KCTD16: variants seen among roughly 807,000 people sequenced by gnomAD.
The protein encoded by KCTD16 is BTB/POZ domain-containing protein KCTD16.
KCTD16 carries 13 observed loss-of-function variants against 33.2 expected under a neutral mutation model. The observed-to-expected ratio is 0.39, with a 90% CI of 0.25 to 0.62. The LOEUF is 0.62. Ranked by LOEUF, KCTD16 falls within the 20% of genes least tolerant of loss-of-function variation. The pLI is 0.50. For missense variants in KCTD16, 441 were observed against 525.1 expected, an observed-to-expected ratio of 0.84 and a Z score of 1.57; for synonymous variants, 197 against 195.3, an observed-to-expected ratio of 1.01 and a Z score of -0.07.
intron 3 of KCTD16, among the ~76,000 whole-genome samples, chr5:144,466,658 C>T (rs916811685): frequency 4.6e-5 from 7 of 151,726 alleles, no homozygotes; most frequent in Non-Finnish European, 8.8e-5. Context: ...AAACCAGATG[C>T]TTTGTATTTA....
rs923156960 is a variant in KCTD16, at chr5:144,186,324, C to T, written c.-327+11852C>T. 6.7e-5 allele frequency among the ~76,000 whole-genome samples: 9 copies of T among 134,306 alleles called. 1 individual carries two copies. The East Asian group carries it at 8.8e-4, about 13-fold the overall frequency. The allele number at this position is 134,306 out of a possible 152,430, so 88.1% of individuals were successfully genotyped here. A position where few individuals can be genotyped will look rare whatever the true frequency, so the allele number is the denominator to read the frequency against. On this transcript the variant is annotated intron_variant, in intron 2 of 3. Coordinates refer to ENST00000512467, the MANE Select transcript of KCTD16 (RefSeq NM_020768.4). ...ATATGTAAATATGAAGTATATTCTA[C>T]GAAGTTTGTGCTAGATCTCATTTTT...
intron 1 of KCTD16, among the ~76,000 whole-genome samples, chr5:144,172,444 T>C (rs1323083078): frequency 6.6e-6 from 1 of 152,266 alleles, no homozygotes; most frequent in Non-Finnish European, 1.5e-5. Flanking sequence ...CCTAGTTATT[T>C]TGAACTATAC....
At chr5:144,443,876 C>A (rs184514172) in intron 3 of KCTD16, among the ~76,000 whole-genome samples, 27 of 152,144 alleles carry the variant, frequency 1.8e-4, no homozygotes, top group African/African-American at 5.3e-4. Flanking sequence ...TTGATACAGG[C>A]ATGCAATAAG....
At chr5:144,400,603 C>T (rs778303246) in intron 3 of KCTD16, among the ~76,000 whole-genome samples, 5 of 152,092 alleles carry the variant, frequency 3.3e-5, no homozygotes, top group Non-Finnish European at 4.4e-5. Context: ...CCTTCAACAC[C>T]ATCTATGTGC....
chr5:144,451,583 G>T lies in KCTD16; in HGVS notation c.833-22077G>T, dbSNP rs73299632. On this transcript the variant is annotated intron_variant, in intron 3 of 3. Transcript: ENST00000512467. Reference sequence around the variant, plus strand: ...TAAAATCAAAGTTTAATCACGAATTGTGAAATAGAACGCAGGCAGTTAGGA... The same window carrying T: ...TAAAATCAAAGTTTAATCACGAATTTTGAAATAGAACGCAGGCAGTTAGGA... Among the ~76,000 whole-genome samples the T allele has an allele frequency of 2.5e-3, 380 of 152,206 alleles. 1 individual carries two copies. Among genetic ancestry groups the T allele is most frequent in the African/African-American group, 8.8e-3 (366 of 41,536 alleles).
chr5:144,299,044 C>CTATATATATATATATATATATATATA (rs10589565), intron 3 of KCTD16, among the ~76,000 whole-genome samples: 2 of 35,960 alleles, frequency 5.6e-5, no homozygotes, highest in Non-Finnish European at 1.1e-4. Context: ...AAACAGATCA[C>CTATATATATATATATATATATATATA]TATATATATA....
chr5:144,422,948 T>G (rs1753243778), intron 3 of KCTD16, among the ~76,000 whole-genome samples: 1 of 152,146 alleles, frequency 6.6e-6, no homozygotes, highest in African/African-American at 2.4e-5. Context: ...GACCTTTATC[T>G]TATAAGCTCA....
At chr5:144,441,620 T>A (rs1285299263) in intron 3 of KCTD16, among the ~76,000 whole-genome samples, 1 of 152,126 alleles carries the variant, frequency 6.6e-6, no homozygotes, top group Non-Finnish European at 1.5e-5. Flanking sequence ...GTACTGAGAA[T>A]CAGTGACTAT....
At position 144,208,776 on chromosome 5, in the gene KCTD16, C is replaced by T. The variant is rs561842613; in HGVS notation, c.832+1230C>T. 2.2e-3 allele frequency among the ~76,000 whole-genome samples: 330 copies of T among 152,288 alleles called. 2 individuals are homozygous for T. The highest frequency in any genetic ancestry group is 7.3e-3 in the African/African-American group (303 of 41,548). Reference sequence around the variant, plus strand: ...TAAGCTATCACACATTTGGTTAAGACACATGTATTGCATAGCCAGAACAAC... The same window carrying T: ...TAAGCTATCACACATTTGGTTAAGATACATGTATTGCATAGCCAGAACAAC... On this transcript the variant is annotated intron_variant, in intron 3 of 3. Coordinates refer to ENST00000512467, the MANE Select transcript of KCTD16 (RefSeq NM_020768.4).
At chr5:144,460,360 T>C (rs532522513) in intron 3 of KCTD16, among the ~76,000 whole-genome samples, 1 of 152,334 alleles carries the variant, frequency 6.6e-6, no homozygotes, top group African/African-American at 2.4e-5. Context: ...GAACATTATC[T>C]ATTAACTGCA....
intron 3 of KCTD16, among the ~76,000 whole-genome samples, chr5:144,221,893 A>G (rs1410760325): frequency 6.6e-6 from 1 of 152,184 alleles, no homozygotes; most frequent in Non-Finnish European, 1.5e-5. Context: ...ACAGTGTAAA[A>G]GTGTTCCTAT....
chr5:144,448,684 T>G (rs948877964), intron 3 of KCTD16, among the ~76,000 whole-genome samples: 2 of 152,088 alleles, frequency 1.3e-5, no homozygotes, highest in African/African-American at 4.8e-5. Flanking sequence ...GGAACCTTCC[T>G]GTTTTAGATT....
chr5:144,282,103 A>G (rs1426665419), intron 3 of KCTD16, among the ~76,000 whole-genome samples: 4 of 152,224 alleles, frequency 2.6e-5, no homozygotes, highest in Admixed American at 2.0e-4. Flanking sequence ...GCTGGTCACC[A>G]GAAAGACCAA....
Position 144,485,308 on chromosome 5 carries a change from A to G in KCTD16, c.*11194A>G, listed in dbSNP as rs1344384652. On this transcript the variant is annotated 3_prime_UTR_variant, in exon 4 of 4. Coordinates refer to ENST00000512467, the MANE Select transcript of KCTD16 (RefSeq NM_020768.4). ...CCCTGAGCAACATATAAATATATAC[A>G]TACATATCTATGTATGCAATATCTA... The G allele has an allele frequency of 6.6e-6, 1 of 151,904 alleles. No homozygotes were observed. The highest frequency in any genetic ancestry group is 2.4e-5 in the African/African-American group (1 of 41,400). 9.4% of individuals were successfully genotyped at this position (151,904 alleles called of 1,614,324 possible).
At chr5:144,220,822 T>C (rs1009983664) in intron 3 of KCTD16, among the ~76,000 whole-genome samples, 6 of 151,766 alleles carry the variant, frequency 4.0e-5, no homozygotes, top group African/African-American at 1.5e-4. Context: ...GCACCTGTAG[T>C]CCCAGCTACC....
At chr5:144,465,504 T>C (rs1754309065) in intron 3 of KCTD16, among the ~76,000 whole-genome samples, 1 of 152,080 alleles carries the variant, frequency 6.6e-6, no homozygotes, top group East Asian at 1.9e-4. Flanking sequence ...ATGAGGGCAC[T>C]CGTGGCCTCT....
chr5:144,456,743 A>G (rs1255999347), intron 3 of KCTD16, among the ~76,000 whole-genome samples: 1 of 150,944 alleles, frequency 6.6e-6, no homozygotes, highest in Non-Finnish European at 1.5e-5. Flanking sequence ...CTTTGAGACT[A>G]TACCACAGAA....
At chr5:144,310,725 G>A (rs1751742876) in intron 3 of KCTD16, among the ~76,000 whole-genome samples, 1 of 151,998 alleles carries the variant, frequency 6.6e-6, no homozygotes, top group Admixed American at 6.6e-5. Flanking sequence ...TCATTGAGTT[G>A]GCACTATTTT....
intron 3 of KCTD16, among the ~76,000 whole-genome samples, chr5:144,413,897 C>T (rs1752987734): frequency 6.6e-6 from 1 of 152,118 alleles, no homozygotes; most frequent in South Asian, 2.1e-4. Context: ...TGAAGTCTGT[C>T]ACTAGGTCTG....
Sources: gnomAD v4.1 joint callset for allele counts (sites outside exome capture counted in the v4.1 genomes callset) on GRCh38, gnomAD v4.1.1 for gene constraint, MANE v1.5 for transcripts, NCBI Gene and HGNC (gene_info 2026-07-23, HGNC 2026-07-21) for gene names.